The following XKR4 variants were observed in gnomAD, a reference collection of about 807,000 sequenced individuals.
The protein encoded by XKR4 is XK related 4.
In XKR4, 12 loss-of-function variants were observed where a neutral mutation model predicts 53.9. The ratio of observed to expected loss-of-function variants is 0.22; its 90% CI spans 0.14 to 0.36. The LOEUF is 0.36. XKR4 is among the 10% of genes least tolerant of loss of function. XKR4 has a pLI of 1.00. For synonymous variants in XKR4, 354 were observed against 362.4 expected (o/e 0.98, Z 0.26); for missense variants, 799 against 859.5 (o/e 0.93, Z 0.88).
chr8:55,500,204 A>C (rs1019723148), intron 2 of XKR4, among the ~76,000 whole-genome samples: 2 of 139,326 alleles, frequency 1.4e-5, no homozygotes, highest in Non-Finnish European at 3.2e-5. Context: ...AAAAAAAAAA[A>C]ACAATGTAAC....
At chr8:55,252,540 T>C (rs1818376126) in intron 1 of XKR4, among the ~76,000 whole-genome samples, 1 of 152,180 alleles carries the variant, frequency 6.6e-6, no homozygotes, top group African/African-American at 2.4e-5. Flanking sequence ...TCATTTGCCA[T>C]AGATGGGAAA....
intron 2 of XKR4, chr8:55,451,565 G>A: frequency 2.6e-6 from 3 of 1,160,122 alleles, no homozygotes. Flanking sequence ...GAATGCAGCA[G>A]TACTGCCTTG....
At chr8:55,341,381 C>G (rs1156632958) in intron 1 of XKR4, among the ~76,000 whole-genome samples, 4 of 152,128 alleles carry the variant, frequency 2.6e-5, no homozygotes, top group African/African-American at 4.8e-5. Flanking sequence ...ATTGGCTCTC[C>G]AGTCCTTTTA....
At chr8:55,451,965 T>C in intron 2 of XKR4, 7 of 771,066 alleles carry the variant, frequency 9.1e-6, no homozygotes, top group Non-Finnish European at 1.7e-5. Context: ...TGAGTTGGGG[T>C]TGTACTTCTT....
chr8:55,248,733 A>G (rs1818325440), intron 1 of XKR4, among the ~76,000 whole-genome samples: 1 of 151,982 alleles, frequency 6.6e-6, no homozygotes, highest in Non-Finnish European at 1.5e-5. Context: ...CAAACTTAAT[A>G]TTCTTTCATG....
chr8:55,383,758 G>A (rs578175565), intron 2 of XKR4, among the ~76,000 whole-genome samples: 12 of 152,118 alleles, frequency 7.9e-5, no homozygotes, highest in African/African-American at 2.4e-4. Context: ...AGAAGATTGG[G>A]TAGATCCTTT....
chr8:55,289,761 GAGAA>G (rs1395382302), intron 1 of XKR4, among the ~76,000 whole-genome samples: 13 of 142,898 alleles, frequency 9.1e-5, no homozygotes, highest in African/African-American at 3.1e-4. Flanking sequence ...GAAAGAAAGA[GAGAA>G]AGAAAGAGAA....
chr8:55,291,944 C>T (rs970451634), intron 1 of XKR4, among the ~76,000 whole-genome samples: 11 of 152,054 alleles, frequency 7.2e-5, no homozygotes, highest in African/African-American at 2.7e-4. Flanking sequence ...TTGATATGAT[C>T]ATGTGATTCT....
chr8:55,410,483 G>A lies in XKR4; in HGVS notation c.1006+52606G>A, dbSNP rs867666427. On this transcript the variant is annotated intron_variant, in intron 2 of 2. Transcript: ENST00000327381. ...CCTCAGCTCCAAAGCAGCTACCAGA[G>A]TCTCTCCTTCCCTGGGCTTCCACTG... Among the ~76,000 whole-genome samples, 14 of 152,184 alleles carry A rather than the reference G, an allele frequency of 9.2e-5. 1 individual carries two copies. Among genetic ancestry groups the A allele is most frequent in the Admixed American group, 3.9e-4 (6 of 15,282 alleles).
rs568811628 is a variant in XKR4 at position 55,526,269 on chromosome 8, C to T, written c.*2042C>T. The stretch of plus-strand genomic sequence containing the variant: ...GGTGTGTCATCCAGAGACTGTGTCC[C>T]CACGATGACATCCACAGGAAGTAAC... On this transcript the variant is annotated 3_prime_UTR_variant, in exon 3 of 3. Transcript: ENST00000327381. The T allele has an allele frequency of 6.6e-6, 1 of 152,340 alleles. No individual in the cohort carries two copies. The allele number at this position is 152,340 out of a possible 1,614,324, so 9.4% of individuals were successfully genotyped here.
intron 1 of XKR4, among the ~76,000 whole-genome samples, chr8:55,186,101 G>A (rs972954375): frequency 6.6e-6 from 1 of 152,126 alleles, no homozygotes; most frequent in African/African-American, 2.4e-5. Context: ...TGCAAACACA[G>A]TCATTCAGTT....
At chr8:55,258,408 T>G (rs1386383263) in intron 1 of XKR4, among the ~76,000 whole-genome samples, 1 of 152,194 alleles carries the variant, frequency 6.6e-6, no homozygotes, top group Non-Finnish European at 1.5e-5. Flanking sequence ...CTGGGGTCTG[T>G]CAGAAGCTGT....
At chr8:55,358,776 G>T (rs1396664132) in intron 2 of XKR4, among the ~76,000 whole-genome samples, 1 of 152,222 alleles carries the variant, frequency 6.6e-6, no homozygotes, top group Non-Finnish European at 1.5e-5. Context: ...TCTCAGCAGG[G>T]CCTCTGTGCG....
intron 2 of XKR4, among the ~76,000 whole-genome samples, chr8:55,401,924 C>T (rs1804607207): frequency 2.0e-5 from 3 of 152,242 alleles, no homozygotes; most frequent in South Asian, 4.2e-4. Context: ...AATAAATTAG[C>T]ATTACATGTT....
At position 55,259,414 on chromosome 8, in the gene XKR4, C is replaced by T. The variant is rs138599347; in HGVS notation, c.807-98264C>T. 4.6e-5 allele frequency among the ~76,000 whole-genome samples: 7 copies of T among 152,306 alleles called. No homozygotes were observed. In the East Asian group the frequency reaches 1.4e-3, roughly 29 times the overall value. ...GTGCGATATGAGTTGATTTCGTTCT[C>T]CTACCCTATGATGGATCAGTTGCTG... On this transcript the variant is annotated intron_variant, in intron 1 of 2. Transcript: ENST00000327381.
At chr8:55,394,088 T>G (rs1804483303) in intron 2 of XKR4, among the ~76,000 whole-genome samples, 1 of 152,220 alleles carries the variant, frequency 6.6e-6, no homozygotes, top group African/African-American at 2.4e-5. Flanking sequence ...CTCAATTTGG[T>G]AGCCAAAATG....
At chr8:55,181,204 A>G (rs1250644318) in intron 1 of XKR4, among the ~76,000 whole-genome samples, 1 of 152,188 alleles carries the variant, frequency 6.6e-6, no homozygotes, top group Non-Finnish European at 1.5e-5. Context: ...ATAAGCATCT[A>G]GATTCTCCAG....
intron 1 of XKR4, among the ~76,000 whole-genome samples, chr8:55,316,337 G>A (rs772415424): frequency 2.0e-5 from 3 of 152,116 alleles, no homozygotes; most frequent in Non-Finnish European, 4.4e-5. Context: ...CAGCCTCACC[G>A]TGGTCCATCC....
At chr8:55,266,267 G>T (rs1322978798) in intron 1 of XKR4, among the ~76,000 whole-genome samples, 1 of 151,750 alleles carries the variant, frequency 6.6e-6, no homozygotes, top group Non-Finnish European at 1.5e-5. Context: ...GTACAGTGGG[G>T]CTTTCTAGGG....
Sources: allele counts gnomAD v4.1 joint callset (sites outside exome capture counted in the v4.1 genomes callset), GRCh38; gene constraint gnomAD v4.1.1; transcripts MANE v1.5; gene names NCBI Gene and HGNC (gene_info 2026-07-23, HGNC 2026-07-21).